The following USP28 variants were observed in gnomAD, a reference collection of about 807,000 sequenced individuals.
USP28 encodes ubiquitin specific peptidase 28.
Under a neutral mutation model 145.0 loss-of-function variants are expected in USP28, and 113 were observed. The observed-to-expected ratio is 0.78, with a 90% CI of 0.67 to 0.91. The LOEUF is 0.91. USP28 is among the 40% of genes least tolerant of loss of function. USP28 has a pLI of 0.00. For missense variants in USP28, 1,201 were observed against 1,289.6 expected, an observed-to-expected ratio of 0.93 and a Z score of 1.05; for synonymous variants, 447 against 450.9, an observed-to-expected ratio of 0.99 and a Z score of 0.11.
chr11:113,854,303 TTC>T lies in USP28; in HGVS notation c.88_89del (p.Glu30AsnfsTer12). Reference sequence around the variant, plus strand: ...AGGAAGGGTCCTGAATGCCTGTGATTTCTCTCAGTTGATTTAACAGCATTTGG... The same window carrying T: ...AGGAAGGGTCCTGAATGCCTGTGATTTCTCAGTTGATTTAACAGCATTTGG... On this transcript the variant is annotated frameshift_variant, in exon 2 of 25. Coordinates refer to ENST00000003302, the Ensembl canonical transcript of USP28. LOFTEE classifies it high-confidence loss of function. 2.5e-6 allele frequency: 4 copies of T among 1,614,084 alleles called. No homozygotes were observed. The highest frequency in any genetic ancestry group is 2.2e-5 in the East Asian group (1 of 44,884).
intron 1 of USP28, among the ~76,000 whole-genome samples, chr11:113,867,566 G>GA (rs879372573): frequency 3.0e-3 from 428 of 142,578 alleles, no homozygotes; most frequent in Middle Eastern, 0.018. Flanking sequence ...TGCCTCAATT[G>GA]AAAAAAAAAA....
At chr11:113,841,698 A>T (rs751152437) in exon 4 of USP28, 1 of 1,613,328 alleles carries the variant, frequency 6.2e-7, no homozygotes, top group East Asian at 2.2e-5. Flanking sequence ...GAATTTTGGG[A>T]GACTCCAGTA....
At chr11:113,828,079 G>A (rs1287885869) in intron 10 of USP28, among the ~76,000 whole-genome samples, 1 of 152,120 alleles carries the variant, frequency 6.6e-6, no homozygotes, top group Non-Finnish European at 1.5e-5. Flanking sequence ...ATCAGATTTG[G>A]CTTTTCTATT....
chr11:113,861,113 G>A (rs374944856), intron 1 of USP28, among the ~76,000 whole-genome samples: 7 of 135,282 alleles, frequency 5.2e-5, no homozygotes, highest in African/African-American at 2.0e-4. Flanking sequence ...GACAAAGCGA[G>A]ACTACACCTC....
chr11:113,860,613 C>T (rs1947565031), intron 1 of USP28, among the ~76,000 whole-genome samples: 1 of 151,754 alleles, frequency 6.6e-6, no homozygotes, highest in South Asian at 2.1e-4. Flanking sequence ...AGTTCAAGAC[C>T]AGCCTGGCCA....
At chr11:113,817,826 T>C (rs778518787) in exon 13 of USP28, 6 of 1,614,108 alleles carry the variant, frequency 3.7e-6, no homozygotes, top group Non-Finnish European at 4.2e-6. Context: ...GCCTGAGCCA[T>C]ATTTCACATA....
intron 13 of USP28, 84 bp from the exon 14 acceptor site, chr11:113,815,466 T>C (rs563942100): frequency 1.5e-6 from 2 of 1,303,304 alleles, no homozygotes; most frequent in African/African-American, 1.5e-5. Context: ...AGCAAGATGC[T>C]ATATGAAAAA....
chr11:113,862,645 A>T (rs147388526), intron 1 of USP28, among the ~76,000 whole-genome samples: 1 of 152,332 alleles, frequency 6.6e-6, no homozygotes, highest in East Asian at 1.9e-4. Flanking sequence ...AAAGTAGGAC[A>T]TACTCTGAAC....
At chr11:113,811,824 C>T (rs912232648) in intron 16 of USP28, among the ~76,000 whole-genome samples, 14 of 151,590 alleles carry the variant, frequency 9.2e-5, no homozygotes, top group African/African-American at 2.9e-4. Flanking sequence ...AGTCTATCTA[C>T]GAGTAAATTT....
Position 113,860,885 on chromosome 11 carries a change from G to C in USP28, c.58-6550C>G, listed in dbSNP as rs896879234. On this transcript the variant is annotated intron_variant, in intron 1 of 24. Transcript: ENST00000003302. ...TGTAATCCCAGCACTTTGGGAGGCC[G>C]AGGCAGGCAGATCACGAGGTCAGGA... Among the ~76,000 whole-genome samples, 12 of 151,314 alleles carry C rather than the reference G, an allele frequency of 7.9e-5. No homozygotes were observed. In the South Asian group the frequency reaches 2.5e-3, roughly 32 times the overall value.
intron 5 of USP28, among the ~76,000 whole-genome samples, chr11:113,837,881 G>A (rs1944744334): frequency 6.6e-6 from 1 of 151,958 alleles, no homozygotes; most frequent in African/African-American, 2.4e-5. Flanking sequence ...CTGTACTCTG[G>A]TGCCAACTGG....
chr11:113,808,746 C>G (rs1193004478), intron 17 of USP28, among the ~76,000 whole-genome samples: 3 of 152,226 alleles, frequency 2.0e-5, no homozygotes, highest in Non-Finnish European at 4.4e-5. Flanking sequence ...TTAGGAAGAT[C>G]ACCTTTGGAG....
chr11:113,823,610 C>T (rs751546616), exon 12 of USP28: 1 of 1,610,058 alleles, frequency 6.2e-7, no homozygotes, highest in Non-Finnish European at 8.5e-7. Flanking sequence ...CTCACCTTTC[C>T]AATTTTTGCT....
At chr11:113,829,424 C>T (rs1943733461) in intron 9 of USP28, 79 bp from the exon 10 acceptor site, 1 of 1,553,146 alleles carries the variant, frequency 6.4e-7, no homozygotes, top group Non-Finnish European at 8.7e-7. Flanking sequence ...ACAGAGACAA[C>T]ATTTTAAATT....
At chr11:113,808,682 C>A (rs1161440130) in intron 17 of USP28, among the ~76,000 whole-genome samples, 7 of 152,146 alleles carry the variant, frequency 4.6e-5, no homozygotes, top group Non-Finnish European at 5.9e-5. Context: ...TAATGCACTC[C>A]CAACTTTGTC....
At position 113,831,064 on chromosome 11, in the gene USP28, A is replaced by G. The variant is rs556431783; in HGVS notation, c.834-121T>C. 12 of 887,380 alleles carry G rather than the reference A, an allele frequency of 1.4e-5. No homozygotes were observed. In the Admixed American group the frequency reaches 1.5e-4, roughly 11 times the overall value. 55.0% of individuals were successfully genotyped at this position (887,380 alleles called of 1,614,324 possible). A position where few individuals can be genotyped will look rare whatever the true frequency, so the allele number is the denominator to read the frequency against. On this transcript the variant is annotated intron_variant, in intron 8 of 24. Coordinates refer to ENST00000003302, the Ensembl canonical transcript of USP28. ...TTCATCAACCCCCAAAGAGCCAGGTATGATCTAAATAAGTAACAATTAGTT... is the reference window on the plus strand; with the variant it reads ...TTCATCAACCCCCAAAGAGCCAGGTGTGATCTAAATAAGTAACAATTAGTT...
At chr11:113,862,897 A>G (rs762905197) in intron 1 of USP28, among the ~76,000 whole-genome samples, 6 of 152,210 alleles carry the variant, frequency 3.9e-5, no homozygotes, top group Non-Finnish European at 8.8e-5. Flanking sequence ...TCAACATGAT[A>G]CAGGGCCTTT....
At chr11:113,803,945 T>G (rs1939497025) in intron 21 of USP28, 68 bp from the exon 23 acceptor site, 2 of 1,401,004 alleles carry the variant, frequency 1.4e-6, no homozygotes, top group Non-Finnish European at 2.0e-6. Context: ...CCCATCTAAG[T>G]TTTAAATTCA....
intron 7 of USP28, among the ~76,000 whole-genome samples, chr11:113,832,592 C>A (rs886942039): frequency 6.6e-6 from 1 of 152,024 alleles, no homozygotes; most frequent in African/African-American, 2.4e-5. Context: ...CAAAATCTTC[C>A]AAGTAGGACT....
Sources: allele counts gnomAD v4.1 joint callset (sites outside exome capture counted in the v4.1 genomes callset), GRCh38; gene constraint gnomAD v4.1.1; transcripts MANE v1.5; gene names NCBI Gene and HGNC (gene_info 2026-07-23, HGNC 2026-07-21).